The following CRB1 variants were observed in gnomAD, a reference collection of about 807,000 sequenced individuals.
The protein encoded by CRB1 is crumbs cell polarity complex component 1.
Under a neutral mutation model 120.0 loss-of-function variants are expected in CRB1, and 83 were observed. The ratio of observed to expected loss-of-function variants is 0.69; its 90% CI spans 0.58 to 0.83. The LOEUF is 0.83. Ranked by LOEUF, CRB1 falls within the 40% of genes least tolerant of loss-of-function variation. The probability of loss-of-function intolerance (pLI) is 0.00; values close to 1 mark genes in which losing one functional copy is unlikely to be tolerated. For missense variants in CRB1, 1,699 were observed against 1,687.6 expected (o/e 1.01, Z -0.12); for synonymous variants, 625 against 612.5 (o/e 1.02, Z -0.30).
intron 5 of CRB1, among the ~76,000 whole-genome samples, chr1:197,390,452 A>G (rs1662441385): frequency 6.6e-6 from 1 of 152,046 alleles, no homozygotes; most frequent in Admixed American, 6.6e-5. Context: ...AAGCTGAACA[A>G]TAGCTCCCAA....
chr1:197,223,893 C>T, the CRB1 span, among the ~76,000 whole-genome samples: 15 of 152,050 alleles, frequency 9.9e-5, no homozygotes, highest in Non-Finnish European at 1.5e-4. Context: ...AAGAAACTAG[C>T]CTTGTGGAGT....
chr1:197,401,461 T>C (rs1004232262), intron 5 of CRB1, among the ~76,000 whole-genome samples: 1 of 152,154 alleles, frequency 6.6e-6, no homozygotes, highest in Non-Finnish European at 1.5e-5. Context: ...CATGATAGCA[T>C]GGTCTTTGCT....
intron 11 of CRB1, among the ~76,000 whole-genome samples, chr1:197,456,878 A>G (rs535125064): frequency 5.9e-5 from 9 of 152,210 alleles, no homozygotes; most frequent in African/African-American, 2.2e-4. Flanking sequence ...GTTATACTCA[A>G]TTTGCTTAAA....
intron 5 of CRB1, among the ~76,000 whole-genome samples, chr1:197,396,902 T>A (rs1662801190): frequency 6.6e-6 from 1 of 152,016 alleles, no homozygotes. Flanking sequence ...ATTTTTAAAA[T>A]TATACCTAAA....
chr1:197,228,304 C>A, the CRB1 span, among the ~76,000 whole-genome samples: 1 of 152,106 alleles, frequency 6.6e-6, no homozygotes, highest in Admixed American at 6.6e-5. Context: ...TGCTCTTTTT[C>A]GCTTTTGAAA....
chr1:197,294,654 C>T (rs936505363), intron 1 of CRB1, among the ~76,000 whole-genome samples: 3 of 152,108 alleles, frequency 2.0e-5, no homozygotes, highest in African/African-American at 7.2e-5. Context: ...TTGGAACCAA[C>T]CCAAATGTCC....
the CRB1 span, chr1:197,222,860 A>C: frequency 6.6e-7 from 1 of 1,511,138 alleles, no homozygotes; most frequent in Non-Finnish European, 9.2e-7. Context: ...TGGAGCTGGC[A>C]GGTTTGGATG....
At chr1:197,425,464 C>T in intron 6 of CRB1, among the ~76,000 whole-genome samples, 1 of 152,158 alleles carries the variant, frequency 6.6e-6, no homozygotes, top group Admixed American at 6.6e-5. Context: ...TCAGCTGGGC[C>T]ATATGATGAC....
chr1:197,274,015 G>A (rs1013192115), intron 1 of CRB1, among the ~76,000 whole-genome samples: 7 of 152,002 alleles, frequency 4.6e-5, no homozygotes, highest in Non-Finnish European at 5.9e-5. Flanking sequence ...GTACTAGTCC[G>A]TGTATATACA....
chr1:197,347,032 C>G (rs543654734), intron 3 of CRB1, among the ~76,000 whole-genome samples: 1 of 152,210 alleles, frequency 6.6e-6, no homozygotes, highest in South Asian at 2.1e-4. Context: ...TGTGTCTATT[C>G]TTTATATGCA....
At chr1:197,429,257 C>G in intron 7 of CRB1, 192 bp from the exon 8 acceptor site, 1 of 1,372,004 alleles carries the variant, frequency 7.3e-7, no homozygotes, top group Non-Finnish European at 9.8e-7. Context: ...CACCACTCTG[C>G]CCTTTTAGAA....
chr1:197,464,533 A>G (rs1243664884), intron 11 of CRB1, among the ~76,000 whole-genome samples: 1 of 152,076 alleles, frequency 6.6e-6, no homozygotes, highest in African/African-American at 2.4e-5. Flanking sequence ...AAGTAGAGAG[A>G]GTTGCGCTGC....
At chr1:197,370,250 C>G (rs937420244) in intron 5 of CRB1, among the ~76,000 whole-genome samples, 1 of 151,110 alleles carries the variant, frequency 6.6e-6, no homozygotes, top group Non-Finnish European at 1.5e-5. Context: ...GAAAAAAAAC[C>G]GCAAGGTATT....
rs1187770298 is a variant in CRB1 at position 197,435,028 on chromosome 1, G to A, written c.3165G>A (p.Val1055=). Reference sequence around the variant, plus strand: ...AGACCTCCAGGTGGCAAATGGAAGTGGACAACGAAACACCTTTTGTGACCA... The same window carrying A: ...AGACCTCCAGGTGGCAAATGGAAGTAGACAACGAAACACCTTTTGTGACCA... ...LSQTSRWQME[V]DNETPFVTST... is the part of the protein sequence containing the mutation. The change falls in exon 9 of 12, where the codon GTG becomes GTA. Residue 1055 remains valine (V), a synonymous_variant. Coordinates refer to ENST00000367400, the MANE Select transcript of CRB1 (RefSeq NM_201253.3). 9.3e-6 allele frequency: 15 copies of A among 1,613,808 alleles called. No individual in the cohort carries two copies. The highest frequency in any genetic ancestry group is 2.2e-5 in the East Asian group (1 of 44,884).
At chr1:197,298,788 G>A (rs372918019) in intron 1 of CRB1, among the ~76,000 whole-genome samples, 1 of 151,912 alleles carries the variant, frequency 6.6e-6, no homozygotes, top group East Asian at 1.9e-4. Context: ...CAGAACAAAT[G>A]GCATTAAAAT....
chr1:197,315,057 CA>C (rs952872411), intron 1 of CRB1, among the ~76,000 whole-genome samples: 2 of 152,190 alleles, frequency 1.3e-5, no homozygotes, highest in African/African-American at 4.8e-5. Flanking sequence ...TGTCTGCCCA[CA>C]GCACAAAAGC....
At chr1:197,432,387 CACACACACACACACACAT>C (rs1420399067) in intron 8 of CRB1, among the ~76,000 whole-genome samples, 3 of 150,926 alleles carry the variant, frequency 2.0e-5, no homozygotes, top group African/African-American at 7.4e-5. Flanking sequence ...CACACACACA[CACACACACACACACACAT>C]AGTAAAAAAC....
At chr1:197,401,420 T>G (rs1663058013) in intron 5 of CRB1, among the ~76,000 whole-genome samples, 1 of 152,186 alleles carries the variant, frequency 6.6e-6, no homozygotes, top group Non-Finnish European at 1.5e-5. Context: ...ACAAAGAATT[T>G]AGCATGTTTT....
intron 11 of CRB1, among the ~76,000 whole-genome samples, chr1:197,464,115 G>C (rs983218022): frequency 6.6e-6 from 1 of 152,184 alleles, no homozygotes; most frequent in Non-Finnish European, 1.5e-5. Context: ...GAGCTGTGTT[G>C]CAACTCTTTC....
Sources: gnomAD v4.1 joint callset for allele counts (sites outside exome capture counted in the v4.1 genomes callset) on GRCh38, gnomAD v4.1.1 for gene constraint, MANE v1.5 for transcripts, NCBI Gene and HGNC (gene_info 2026-07-23, HGNC 2026-07-21) for gene names.